KCP: variants seen among roughly 807,000 people sequenced by gnomAD.
KCP encodes kielin cysteine rich BMP regulator, also known as kielin/chordin-like protein.
Under a neutral mutation model 212.7 loss-of-function variants are expected in KCP, and 194 were observed. That is an observed-to-expected ratio of 0.91 (90% confidence interval 0.81 to 1.03). The LOEUF is 1.03. Among genes scored for constraint, KCP ranks in the 50% least tolerant of loss-of-function variants. KCP has a pLI of 0.00. For missense variants in KCP, 2,080 were observed against 2,162.5 expected, an observed-to-expected ratio of 0.96 and a Z score of 0.76; for synonymous variants, 833 against 865.3, an observed-to-expected ratio of 0.96 and a Z score of 0.65.
chr7:128,885,539 G>A (rs1013859841), intron 26 of KCP, among the ~76,000 whole-genome samples: 2 of 152,220 alleles, frequency 1.3e-5, no homozygotes, highest in East Asian at 1.9e-4. Flanking sequence ...AGTGCAGCCC[G>A]CACCGGCCAC....
chr7:128,880,498 C>T lies in KCP; in HGVS notation c.3647G>A (p.Arg1216His), dbSNP rs943515731. 1.0e-5 allele frequency: 16 copies of T among 1,527,144 alleles called. No individual in the cohort carries two copies. The highest frequency in any genetic ancestry group is 2.5e-5 in the East Asian group (1 of 40,138). 94.6% of individuals were successfully genotyped at this position (1,527,144 alleles called of 1,614,324 possible). The stretch of plus-strand genomic sequence containing the variant: ...CCAGCGCTCTCCAGAGGCCACCTCA[C>T]GGCCCTGGTGCACGCAGGACTGGGT... ...APTQSCVHQG[R>H]EVASGERWTV... Residue 1216 changes from arginine (R) to histidine (H), a missense_variant, in exon 34 of 40, where the codon CGT (arginine) becomes CAT (histidine). By Grantham distance (29) the Arg-to-His change is conservative. Transcript: ENST00000610776.
chr7:128,890,360 C>G lies in KCP; in HGVS notation c.2318G>C (p.Cys773Ser). The change falls in exon 21 of 40, where the codon TGC becomes TCC. Residue 773 changes from cysteine to serine, a missense_variant. By Grantham distance (112) the Cys-to-Ser change is moderately radical. Transcript: ENST00000610776. ...ACCCTCACCATCACAGTCAGGGCAG[C>G]AGTCGCCCCTGGCAGGGAAGGGGCA... ...ALCPFPARGD[C>S]CPDCDGCEYL... 6.4e-7 allele frequency: 1 copy of G among 1,551,478 alleles called. No homozygotes were observed. The highest frequency in any genetic ancestry group is 8.7e-7 in the Non-Finnish European group (1 of 1,146,988).
At position 128,892,521 on chromosome 7, in the gene KCP, C is replaced by G; in HGVS notation, c.1614G>C (p.Arg538Ser). 1 of 1,528,284 alleles carries G rather than the reference C, an allele frequency of 6.5e-7. No individual in the cohort carries two copies. Among genetic ancestry groups the G allele is most frequent in the Non-Finnish European group, 8.8e-7 (1 of 1,132,808 alleles). 94.7% of individuals were successfully genotyped at this position (1,528,284 alleles called of 1,614,324 possible). ...PQSGPGQCCP[R>S]CPDCILEEEV... Reference sequence around the variant, plus strand: ...CAGTGAGTGCCCACATACCTGGGCACCTGGGGCAACACTGGCCTGGTCCAC... The same window carrying G: ...CAGTGAGTGCCCACATACCTGGGCAGCTGGGGCAACACTGGCCTGGTCCAC... The change falls in exon 16 of 40, where the codon AGG (arginine) becomes AGC (serine). Residue 538 changes from arginine to serine, a missense_variant. By Grantham distance (110) the Arg-to-Ser change is moderately radical (BLOSUM62 -1). Transcript: ENST00000610776.
In KCP at chr7:128,882,615, C is replaced by G. The variant is rs1349243884; in HGVS notation, c.3245-599G>C. 3.3e-5 allele frequency among the ~76,000 whole-genome samples: 5 copies of G among 152,108 alleles called. No homozygotes were observed. In the East Asian group the frequency reaches 9.6e-4, roughly 29 times the overall value. The stretch of plus-strand genomic sequence containing the variant: ...GTCTTCTTCCCTTCCCCTGAAGCAC[C>G]CCCTAGCAAGTGTTGATCAGAGCAG... On this transcript the variant is annotated intron_variant, in intron 29 of 39. Transcript: ENST00000610776.
At position 128,890,963 on chromosome 7, in the gene KCP, G is replaced by C. The variant is rs951472775; in HGVS notation, c.2106C>G (p.Pro702=). The change falls in exon 20 of 40, where the codon CCC becomes CCG. Residue 702 remains proline, a synonymous_variant. Coordinates refer to ENST00000610776, the MANE Select transcript of KCP (RefSeq NM_001366122.1). The stretch of plus-strand genomic sequence containing the variant: ...GGTGCGCGCAGGGCGCGGGCGGGCA[G>C]GGCAGCCGCTGGCAGGACACGGAGC... ...LDGSVSCQRL[P]CPPAPCAHPR... The C allele has an allele frequency of 9.3e-5, 118 of 1,274,752 alleles. 2 individuals are homozygous for C. Among genetic ancestry groups the C allele is most frequent in the Middle Eastern group, 8.9e-4 (3 of 3,356 alleles). 79.0% of individuals were successfully genotyped at this position (1,274,752 alleles called of 1,614,324 possible). A position where few individuals can be genotyped will look rare whatever the true frequency, so the allele number is the denominator to read the frequency against.
rs1298690166 is a variant in KCP, at chr7:128,892,929, G to C, written c.1360C>G (p.Pro454Ala). 1 of 1,498,314 alleles carries C rather than the reference G, an allele frequency of 6.7e-7. No individual in the cohort carries two copies. The highest frequency in any genetic ancestry group is 9.1e-7 in the Non-Finnish European group (1 of 1,098,952). 92.8% of individuals were successfully genotyped at this position (1,498,314 alleles called of 1,614,324 possible). A position where few individuals can be genotyped will look rare whatever the true frequency, so the allele number is the denominator to read the frequency against. ...CTACVCQDGV[P>A]KCGAVLCPPA... ...GGGCAGAGCACAGCCCCGCACTTGG[G>C]TACCCCATCTTGACAGACGCAGGCG... Residue 454 changes from proline (P) to alanine (A), a missense_variant, in exon 14 of 40, where the codon CCC (proline) becomes GCC (alanine). Pro to Ala is a conservative substitution (Grantham distance 27). Transcript: ENST00000610776.
Position 128,894,251 on chromosome 7 carries a change from A to G in KCP, c.874T>C (p.Cys292Arg). The G allele has an allele frequency of 1.3e-6, 2 of 1,544,344 alleles. No individual in the cohort carries two copies. The highest frequency in any genetic ancestry group is 1.8e-6 in the Non-Finnish European group (2 of 1,142,172). The change falls in exon 9 of 40, where the codon TGT (cysteine) becomes CGT (arginine). Residue 292 changes from cysteine (C) to arginine (R), a missense_variant. By Grantham distance (180) the Cys-to-Arg change is radical. Coordinates refer to ENST00000610776, the MANE Select transcript of KCP (RefSeq NM_001366122.1). ...GGGAGGGGCCGGGCTGGGTATGGAC[A>G]CAGGCTGGCACATTCTCGCTGGCGG... Reference protein sequence around the residue: ...QCRQRECASLCPYPARPLPGT... With the variant: ...QCRQRECASLRPYPARPLPGT...
rs1440487054 is a variant in KCP at position 128,878,727 on chromosome 7, G to T, written c.4147-5C>A. 6.5e-7 allele frequency: 1 copy of T among 1,548,366 alleles called. No individual in the cohort carries two copies. Among genetic ancestry groups the T allele is most frequent in the Non-Finnish European group, 8.7e-7 (1 of 1,146,740 alleles). On this transcript the variant is annotated splice_polypyrimidine_tract_variant and splice_region_variant and intron_variant, in intron 37 of 39. Coordinates refer to ENST00000610776, the MANE Select transcript of KCP (RefSeq NM_001366122.1). ...GGACTGCCCATCCCACAGCACCTGT[G>T]TGGAGAGGCCTGAGACTGGGGAGCA... is the stretch of plus-strand genomic sequence containing the variant.
At position 128,903,717 on chromosome 7, in the gene KCP, G is replaced by GGGCTCTCA; in HGVS notation, c.748+2_748+9dup. 1.3e-6 allele frequency: 2 copies of GGGCTCTCA among 1,543,364 alleles called. No homozygotes were observed. The highest frequency in any genetic ancestry group is 2.4e-5 in the South Asian group (2 of 82,868). The stretch of plus-strand genomic sequence containing the variant: ...TGTGGCTCTACCAGGGAGGGGCCAG[G>GGGCTCTCA]GGCTCTCACCTTGGCAGGTTGGGCA... On this transcript the variant is annotated intron_variant, in intron 7 of 39. Transcript: ENST00000610776.
In KCP at chr7:128,891,170, G is replaced by A. The variant is rs1310879022; in HGVS notation, c.1972+15C>T. On this transcript the variant is annotated intron_variant, in intron 19 of 39. Coordinates refer to ENST00000610776, the MANE Select transcript of KCP (RefSeq NM_001366122.1). ...GGACCCCCAGGGAGGAGCAGCCGAG[G>A]GGTGCGGCCCCTACCTGGGCACTGC... 5.0e-5 allele frequency: 77 copies of A among 1,541,222 alleles called. No homozygotes were observed. The highest frequency in any genetic ancestry group is 6.3e-5 in the Non-Finnish European group (72 of 1,146,032).
chr7:128,890,850 G>A (rs1794068202), intron 20 of KCP, 55 bp downstream of exon 20: 1 of 1,183,980 alleles, frequency 8.4e-7, no homozygotes, highest in South Asian at 3.8e-5. Flanking sequence ...GCGCTCCGGG[G>A]CGGGGCGGGG....
chr7:128,888,845 GGGCAGGTGTGGCTCTACCCT>G lies in KCP; in HGVS notation c.2510_2512+17del. 1 of 1,544,970 alleles carries G rather than the reference GGGCAGGTGTGGCTCTACCCT, an allele frequency of 6.5e-7. No homozygotes were observed. The highest frequency in any genetic ancestry group is 8.7e-7 in the Non-Finnish European group (1 of 1,145,266). On this transcript the variant is annotated splice_donor_variant and splice_donor_5th_base_variant and coding_sequence_variant and intron_variant, in exon 22 of 40. Transcript: ENST00000610776. LOFTEE classifies it high-confidence loss of function. ...GGGAGCCCCAGCAGGGGGAATGGAAGGGCAGGTGTGGCTCTACCCTGGCAGGTCGGGCAGCAGTGCCCAGA... is the reference window on the plus strand; with the variant it reads ...GGGAGCCCCAGCAGGGGGAATGGAAGGGCAGGTCGGGCAGCAGTGCCCAGA...
chr7:128,908,162 AGAG>A (rs1795224006), intron 2 of KCP, among the ~76,000 whole-genome samples: 1 of 85,812 alleles, frequency 1.2e-5, no homozygotes, highest in African/African-American at 7.9e-5. Context: ...AGAGAGAAAG[AGAG>A]AAGAAGGATG....
rs1313378649 is a variant in KCP at position 128,884,830 on chromosome 7, C to G, written c.3074G>C (p.Gly1025Ala). ...GTCTGCCCCAGGCTGGAAGCTCTCC[C>G]CAGGCTCGTACTTCCGGCCCTCATG... ...CEHEGRKYEP[G>A]ESFQPGADPC... Residue 1025 changes from glycine to alanine, a missense_variant, in exon 28 of 40, where the codon GGG becomes GCG. Physicochemically the swap from Gly to Ala is moderately conservative, Grantham distance 60. Coordinates refer to ENST00000610776, the MANE Select transcript of KCP (RefSeq NM_001366122.1). 3.2e-6 allele frequency: 5 copies of G among 1,550,924 alleles called. No individual in the cohort carries two copies. Among genetic ancestry groups the G allele is most frequent in the Non-Finnish European group, 4.4e-6 (5 of 1,146,986 alleles).
chr7:128,903,244 G>C (rs772673383), intron 7 of KCP: 24 of 272,280 alleles, frequency 8.8e-5, no homozygotes, highest in Non-Finnish European at 1.5e-4. Flanking sequence ...CCTTCACCAA[G>C]CTAACTTTTC....
At chr7:128,907,625 G>T (rs916151740) in intron 2 of KCP, among the ~76,000 whole-genome samples, 172 bp from the exon 3 acceptor site, 46 of 152,338 alleles carry the variant, frequency 3.0e-4, no homozygotes, top group African/African-American at 1.1e-3. Context: ...TCTCAGGGGG[G>T]CACGGGCCCC....
rs181260229 is a variant in KCP at position 128,886,962 on chromosome 7, C to G, written c.2603G>C (p.Gly868Ala). The G allele has an allele frequency of 1.1e-5, 16 of 1,501,222 alleles. No homozygotes were observed. Among genetic ancestry groups the G allele is most frequent in the Middle Eastern group, 1.7e-4 (1 of 5,864 alleles). The allele number at this position is 1,501,222 out of a possible 1,614,324, so 93.0% of individuals were successfully genotyped here. A position where few individuals can be genotyped will look rare whatever the true frequency, so the allele number is the denominator to read the frequency against. The change falls in exon 24 of 40, where the codon GGT (glycine) becomes GCT (alanine). Residue 868 changes from glycine (G) to alanine (A), a missense_variant. Gly to Ala is a moderately conservative substitution (Grantham distance 60). Coordinates refer to ENST00000610776, the MANE Select transcript of KCP (RefSeq NM_001366122.1). ...PTCSLCTCQE[G>A]SMRCQKKPCP... ...TGGCTTCTTCTGGCAGCGCATGGAA[C>G]CTTCCTGGGGGAGAGAGGCCCATCA...
rs1470944650 is a variant in KCP at position 128,891,292 on chromosome 7, G to A, written c.1879-14C>T. The A allele has an allele frequency of 3.2e-6, 5 of 1,547,472 alleles. No individual in the cohort carries two copies. In the African/African-American group the frequency reaches 4.1e-5, roughly 13 times the overall value. On this transcript the variant is annotated splice_polypyrimidine_tract_variant and intron_variant, in intron 18 of 39. Transcript: ENST00000610776. ...CACGTTGCCGCTCTACGGACCGACAGACGCACCACGGGTCAGTGGGTTAGT... is the reference window on the plus strand; with the variant it reads ...CACGTTGCCGCTCTACGGACCGACAAACGCACCACGGGTCAGTGGGTTAGT...
chr7:128,903,962 T>A (rs1794992347), intron 6 of KCP, 94 bp downstream of exon 6: 1 of 1,357,366 alleles, frequency 7.4e-7, no homozygotes. Flanking sequence ...TCGGGAGGCA[T>A]GTGAGGGGGC....
Sources: allele counts gnomAD v4.1 joint callset (sites outside exome capture counted in the v4.1 genomes callset), GRCh38; gene constraint gnomAD v4.1.1; transcripts MANE v1.5; gene names NCBI Gene and HGNC (gene_info 2026-07-23, HGNC 2026-07-21).